Variants in ACO1 observed in about 807,000 individuals in gnomAD.
ACO1 encodes aconitase 1.
In ACO1, 78 loss-of-function variants were observed where a neutral mutation model predicts 105.1. The observed-to-expected ratio is 0.74, with a 90% confidence interval of 0.62 to 0.90. The LOEUF (loss-of-function observed/expected upper bound fraction) is 0.90. ACO1 is among the 40% of genes least tolerant of loss of function. ACO1 has a pLI of 0.00. For missense variants in ACO1, 965 were observed against 1,111.1 expected (o/e 0.87, Z 1.87); for synonymous variants, 364 against 397.4 (o/e 0.92, Z 1.00).
At chr9:32,399,473 G>A (rs7037696) in intron 1 of ACO1, among the ~76,000 whole-genome samples, 3,064 of 152,280 alleles carry the variant, frequency 0.02, 96 homozygotes, top group African/African-American at 0.07. Context: ...GAGAAGGGTC[G>A]TAAAATTGGT....
At chr9:32,391,528 T>A (rs962777688) in intron 1 of ACO1, among the ~76,000 whole-genome samples, 1 of 152,264 alleles carries the variant, frequency 6.6e-6, no homozygotes, top group Non-Finnish European at 1.5e-5. Context: ...TAAGGCTGTT[T>A]GTACATGAGT....
chr9:32,433,883 C>G, intron 16 of ACO1, 51 bp downstream of exon 16: 1 of 1,371,846 alleles, frequency 7.3e-7, no homozygotes, highest in East Asian at 2.3e-5. Context: ...GGTTTCTTTC[C>G]TAATAATATC....
chr9:32,399,990 C>A (rs1477733144), intron 1 of ACO1, among the ~76,000 whole-genome samples: 2 of 14,104 alleles, frequency 1.4e-4, no homozygotes, highest in East Asian at 9.5e-4. Flanking sequence ...TTTTTTTTTG[C>A]GATGGAGTCT....
chr9:32,392,869 C>T (rs2118340195), intron 1 of ACO1, among the ~76,000 whole-genome samples: 1 of 152,340 alleles, frequency 6.6e-6, no homozygotes, highest in East Asian at 1.9e-4. Context: ...GTCTCTACTG[C>T]AATCTCTGAA....
intron 15 of ACO1, 53 bp downstream of exon 15, chr9:32,431,896 C>T (rs1447305638): frequency 1.9e-6 from 3 of 1,602,298 alleles, no homozygotes; most frequent in East Asian, 4.5e-5. Context: ...GAAAGCTGCT[C>T]CCTTTGTGTC....
At chr9:32,428,994 T>C (rs1003875078) in intron 12 of ACO1, among the ~76,000 whole-genome samples, 3 of 152,242 alleles carry the variant, frequency 2.0e-5, no homozygotes, top group Non-Finnish European at 2.9e-5. Context: ...ATATGTGGTC[T>C]ATCACTAACA....
chr9:32,416,974 C>T (rs1157291021), intron 4 of ACO1, among the ~76,000 whole-genome samples: 1 of 152,216 alleles, frequency 6.6e-6, no homozygotes, highest in East Asian at 1.9e-4. Flanking sequence ...CTTGCTGTTA[C>T]TGTGGTGGTG....
chr9:32,397,995 T>C (rs1312269819), intron 1 of ACO1, among the ~76,000 whole-genome samples: 2 of 152,090 alleles, frequency 1.3e-5, no homozygotes, highest in African/African-American at 4.8e-5. Flanking sequence ...GAAACTGATA[T>C]GTACCCCCAA....
Position 32,420,891 on chromosome 9 carries a change from C to T in ACO1, c.834C>T (p.Val278=), listed in dbSNP as rs1563938184. 6.2e-7 allele frequency: 1 copy of T among 1,613,830 alleles called. No homozygotes were observed. Among genetic ancestry groups the T allele is most frequent in the Non-Finnish European group, 8.5e-7 (1 of 1,179,818 alleles). The change falls in exon 8 of 21, where the codon GTC becomes GTT. Residue 278 remains valine (V), a synonymous_variant. Transcript: ENST00000309951. ...LRQVGVVGKF[V]EFFGPGVAQL... ...AGGTTGGGGTAGTGGGCAAATTTGTCGAGTTCTTCGGGCCTGGAGTAGCCC... is the reference window on the plus strand; with the variant it reads ...AGGTTGGGGTAGTGGGCAAATTTGTTGAGTTCTTCGGGCCTGGAGTAGCCC...
chr9:32,415,581 T>G (rs1273695913), intron 4 of ACO1, among the ~76,000 whole-genome samples: 1 of 152,128 alleles, frequency 6.6e-6, no homozygotes, highest in Non-Finnish European at 1.5e-5. Flanking sequence ...ACTGGAGTGA[T>G]GGAGCCCTCA....
chr9:32,406,141 C>T (rs1269102820), intron 2 of ACO1, among the ~76,000 whole-genome samples: 2 of 152,212 alleles, frequency 1.3e-5, no homozygotes, highest in Non-Finnish European at 2.9e-5. Flanking sequence ...ATTTTAGGAA[C>T]TCCAGTTACC....
At chr9:32,400,393 GC>G (rs968632055) in intron 1 of ACO1, among the ~76,000 whole-genome samples, 1 of 151,988 alleles carries the variant, frequency 6.6e-6, no homozygotes, top group South Asian at 2.1e-4. Context: ...GGAAGGGAGG[GC>G]CCCCCTTGGA....
chr9:32,444,064 T>C (rs978645319), intron 19 of ACO1, among the ~76,000 whole-genome samples: 3 of 152,038 alleles, frequency 2.0e-5, no homozygotes, highest in East Asian at 3.9e-4. Flanking sequence ...GGTGAGAACA[T>C]GCAGTGTTTG....
intron 16 of ACO1, among the ~76,000 whole-genome samples, chr9:32,434,130 T>C (rs568182110): frequency 6.6e-6 from 1 of 152,274 alleles, no homozygotes; most frequent in South Asian, 2.1e-4. Context: ...GAGCCCACCA[T>C]AGTGAACCTT....
At chr9:32,398,696 C>A (rs555203781) in intron 1 of ACO1, among the ~76,000 whole-genome samples, 1 of 151,988 alleles carries the variant, frequency 6.6e-6, no homozygotes, top group Non-Finnish European at 1.5e-5. Context: ...CAGGCTCCAG[C>A]GATCCTCCCA....
intron 11 of ACO1, among the ~76,000 whole-genome samples, chr9:32,426,835 C>T (rs1316357924): frequency 6.6e-6 from 1 of 152,224 alleles, no homozygotes; most frequent in Admixed American, 6.5e-5. Context: ...TCCTCCACTT[C>T]AAGATATATC....
In ACO1 at chr9:32,450,282, T is replaced by C. The variant is rs56280472; in HGVS notation, c.*171T>C. The C allele has an allele frequency of 4.2e-6, 3 of 712,272 alleles. No homozygotes were observed. In the South Asian group the frequency reaches 4.5e-5, roughly 11 times the overall value. 44.1% of individuals were successfully genotyped at this position (712,272 alleles called of 1,614,324 possible). A position where few individuals can be genotyped will look rare whatever the true frequency, so the allele number is the denominator to read the frequency against. On this transcript the variant is annotated 3_prime_UTR_variant, in exon 21 of 21. Coordinates refer to ENST00000309951, the MANE Select transcript of ACO1 (RefSeq NM_002197.3). ...CTGTAGGCACAAAACCAGAAGTTTC[T>C]ACATTCTCTATTTTTGTTAATCATC... is the stretch of plus-strand genomic sequence containing the variant.
chr9:32,452,294 C>A lies in ACO1; in HGVS notation c.*2183C>A, dbSNP rs774921361. 6.6e-6 allele frequency: 1 copy of A among 152,240 alleles called. No individual in the cohort carries two copies. Among genetic ancestry groups the A allele is most frequent in the Non-Finnish European group, 1.5e-5 (1 of 68,112 alleles). The allele number at this position is 152,240 out of a possible 1,614,324, so 9.4% of individuals were successfully genotyped here. On this transcript the variant is annotated 3_prime_UTR_variant, in exon 21 of 21. Coordinates refer to ENST00000309951, the MANE Select transcript of ACO1 (RefSeq NM_002197.3). Reference sequence around the variant, plus strand: ...CTCCCCAAAATTCAGGTGGTGAAACCTTAACCCCCCAGGTAATGGTAATAG... The same window carrying A: ...CTCCCCAAAATTCAGGTGGTGAAACATTAACCCCCCAGGTAATGGTAATAG...
intron 1 of ACO1, among the ~76,000 whole-genome samples, chr9:32,405,170 T>A (rs1821581987): frequency 6.6e-6 from 1 of 152,182 alleles, no homozygotes; most frequent in Non-Finnish European, 1.5e-5. Context: ...TTCAGTGTCT[T>A]GCGCCCGTTA....
Sources: gnomAD v4.1 joint callset for allele counts (sites outside exome capture counted in the v4.1 genomes callset) on GRCh38, gnomAD v4.1.1 for gene constraint, MANE v1.5 for transcripts, NCBI Gene and HGNC (gene_info 2026-07-23, HGNC 2026-07-21) for gene names.